The following BTRC variants were observed in gnomAD, a reference collection of about 807,000 sequenced individuals.
The protein encoded by BTRC is F-box/WD repeat-containing protein 1A.
In BTRC, 42 loss-of-function variants were observed where a neutral mutation model predicts 85.5. That is an observed-to-expected ratio of 0.49 (90% CI 0.38 to 0.64). The LOEUF is 0.64. Among genes scored for constraint, BTRC ranks in the 30% least tolerant of loss-of-function variants. The pLI, the probability that BTRC is intolerant of heterozygous loss-of-function variation, is 0.00. For missense variants in BTRC, 594 were observed against 743.5 expected (o/e 0.80, Z 2.34); for synonymous variants, 255 against 263.3 (o/e 0.97, Z 0.30).
intron 1 of BTRC, among the ~76,000 whole-genome samples, chr10:101,413,331 T>C (rs1254248153): frequency 6.6e-6 from 1 of 151,882 alleles, no homozygotes; most frequent in Non-Finnish European, 1.5e-5. Flanking sequence ...GTTTTGTTTT[T>C]TTGACAGAGT....
chr10:101,382,505 G>T (rs1390004175), intron 1 of BTRC, among the ~76,000 whole-genome samples: 1 of 151,788 alleles, frequency 6.6e-6, no homozygotes, highest in Non-Finnish European at 1.5e-5. Context: ...TTTGGCAGGA[G>T]TATAATATAT....
At chr10:101,501,963 A>G (rs1479836516) in intron 4 of BTRC, among the ~76,000 whole-genome samples, 2 of 152,156 alleles carry the variant, frequency 1.3e-5, no homozygotes, top group African/African-American at 4.8e-5. Flanking sequence ...GACCCTCAAA[A>G]TTCTATGTCT....
rs1164638871 is a variant in BTRC at position 101,366,799 on chromosome 10, T to A, written c.48+12571T>A. Among the ~76,000 whole-genome samples the A allele has an allele frequency of 2.0e-4, 18 of 92,000 alleles. 1 individual carries two copies. Among genetic ancestry groups the A allele is most frequent in the Non-Finnish European group, 2.3e-4 (12 of 51,900 alleles). The allele number at this position is 92,000 out of a possible 152,430, so 60.4% of individuals were successfully genotyped here. On this transcript the variant is annotated intron_variant, in intron 1 of 14. Coordinates refer to ENST00000370187, the MANE Select transcript of BTRC (RefSeq NM_033637.4). ...ATATATATATATATATTTTTACATT[T>A]ATATATATATTTATATATATTAATA... is the stretch of plus-strand genomic sequence containing the variant.
chr10:101,494,089 C>T (rs1346253797), intron 4 of BTRC, among the ~76,000 whole-genome samples: 1 of 152,226 alleles, frequency 6.6e-6, no homozygotes, highest in Non-Finnish European at 1.5e-5. Context: ...TTGATTGAGG[C>T]TATCAGCAGG....
intron 1 of BTRC, among the ~76,000 whole-genome samples, chr10:101,366,115 T>C (rs1315302756): frequency 1.3e-5 from 2 of 152,218 alleles, no homozygotes; most frequent in South Asian, 4.1e-4. Context: ...TATCCAAGGT[T>C]TTCATAGGAA....
chr10:101,432,647 T>C (rs1944431408), intron 2 of BTRC, among the ~76,000 whole-genome samples: 3 of 152,184 alleles, frequency 2.0e-5, no homozygotes, highest in African/African-American at 7.2e-5. Context: ...CAACCACTCT[T>C]AGGTTTGATA....
intron 1 of BTRC, among the ~76,000 whole-genome samples, chr10:101,429,876 A>C (rs1944357466): frequency 6.6e-6 from 1 of 151,788 alleles, no homozygotes; most frequent in Admixed American, 6.6e-5. Context: ...TAAAAAAAAA[A>C]AAAACTCTCT....
intron 13 of BTRC, among the ~76,000 whole-genome samples, chr10:101,544,164 T>C (rs541686089): frequency 2.0e-5 from 3 of 152,116 alleles, no homozygotes; most frequent in Non-Finnish European, 1.5e-5. Context: ...CCGCCTCAGG[T>C]TCCCAAAGTG....
intron 3 of BTRC, among the ~76,000 whole-genome samples, chr10:101,465,076 G>C (rs761791926): frequency 3.3e-5 from 5 of 152,128 alleles, no homozygotes; most frequent in Non-Finnish European, 5.9e-5. Flanking sequence ...TGACAATAAT[G>C]AAGTGCCATT....
intron 6 of BTRC, among the ~76,000 whole-genome samples, chr10:101,526,924 C>T (rs2062200892): frequency 6.6e-6 from 1 of 152,190 alleles, no homozygotes. Context: ...ATATAGTTAG[C>T]AGTCTAAGAG....
At chr10:101,398,263 G>C (rs866089648) in intron 1 of BTRC, among the ~76,000 whole-genome samples, 4 of 152,072 alleles carry the variant, frequency 2.6e-5, no homozygotes, top group Middle Eastern at 3.4e-3. Context: ...ATAAAATTAA[G>C]TATTTTATCT....
chr10:101,506,984 G>C (rs1946559137), intron 4 of BTRC, among the ~76,000 whole-genome samples: 2 of 152,142 alleles, frequency 1.3e-5, no homozygotes, highest in Admixed American at 1.3e-4. Context: ...CATGTCTTAG[G>C]AATCCAGAAT....
intron 1 of BTRC, among the ~76,000 whole-genome samples, chr10:101,357,140 C>T (rs1233181779): frequency 6.8e-6 from 1 of 146,276 alleles, no homozygotes; most frequent in African/African-American, 2.5e-5. Flanking sequence ...AAAAAACAAA[C>T]AAACAAAAAA....
intron 1 of BTRC, among the ~76,000 whole-genome samples, chr10:101,422,692 G>T (rs963355423): frequency 5.9e-5 from 9 of 152,310 alleles, no homozygotes; most frequent in Non-Finnish European, 1.2e-4. Flanking sequence ...TATATGGCTA[G>T]CCAGTTTTCC....
At chr10:101,480,550 G>A (rs1945807057) in intron 4 of BTRC, among the ~76,000 whole-genome samples, 1 of 152,132 alleles carries the variant, frequency 6.6e-6, no homozygotes, top group Non-Finnish European at 1.5e-5. Flanking sequence ...GATATCCGAG[G>A]TCTCTTTTTT....
intron 1 of BTRC, among the ~76,000 whole-genome samples, chr10:101,421,726 G>T (rs1014080696): frequency 4.0e-5 from 6 of 148,570 alleles, no homozygotes; most frequent in Non-Finnish European, 7.4e-5. Flanking sequence ...GCAGTGTTTG[G>T]TTTTTTGTCC....
chr10:101,392,716 G>T lies in BTRC; in HGVS notation c.49-37629G>T, dbSNP rs374954070. Among the ~76,000 whole-genome samples, 138 of 152,192 alleles carry T rather than the reference G, an allele frequency of 9.1e-4. 5 individuals are homozygous for T. In the South Asian group the frequency reaches 0.027, roughly 30 times the overall value. ...AGGGTTTCACCATAGTAGAGACAGG[G>T]TTTCACCATGTTGGCCAGACTGGTC... On this transcript the variant is annotated intron_variant, in intron 1 of 14. Transcript: ENST00000370187.
chr10:101,510,083 G>A (rs1946661342), intron 4 of BTRC, among the ~76,000 whole-genome samples: 2 of 151,922 alleles, frequency 1.3e-5, no homozygotes, highest in Non-Finnish European at 1.5e-5. Flanking sequence ...GCAGTGAGCC[G>A]AGATTGCACC....
At chr10:101,513,772 G>A (rs1444941181) in intron 4 of BTRC, among the ~76,000 whole-genome samples, 4 of 152,110 alleles carry the variant, frequency 2.6e-5, no homozygotes, top group Admixed American at 6.6e-5. Flanking sequence ...ACTGTGTTTC[G>A]TTTTAAGGAG....
Sources: allele counts gnomAD v4.1 joint callset (sites outside exome capture counted in the v4.1 genomes callset), GRCh38; gene constraint gnomAD v4.1.1; transcripts MANE v1.5; gene names NCBI Gene and HGNC (gene_info 2026-07-23, HGNC 2026-07-21).